Variants in SENP2 observed in about 807,000 individuals in gnomAD.
SENP2 encodes SUMO specific peptidase 2, also known as sentrin-specific protease 2.
SENP2 carries 16 observed loss-of-function variants against 86.3 expected under a neutral mutation model. The observed-to-expected ratio is 0.19, with a 90% confidence interval of 0.13 to 0.28. The LOEUF is 0.28. SENP2 is among the 10% of genes least tolerant of loss of function. The pLI, the probability that SENP2 is intolerant of heterozygous loss-of-function variation, is 1.00. For synonymous variants in SENP2, 222 were observed against 238.7 expected (o/e 0.93, Z 0.64); for missense variants, 552 against 703.0 (o/e 0.79, Z 2.43).
At chr3:185,617,336 T>C (rs1194111253) in intron 11 of SENP2, 144 bp from the exon 12 acceptor site, 7 of 517,260 alleles carry the variant, frequency 1.4e-5, no homozygotes, top group Non-Finnish European at 2.0e-5. Flanking sequence ...TTTCCTACTG[T>C]AGTTTAGTAG....
intron 5 of SENP2, among the ~76,000 whole-genome samples, chr3:185,605,871 CT>C (rs1449414787): frequency 6.6e-6 from 1 of 152,112 alleles, no homozygotes; most frequent in East Asian, 1.9e-4. Context: ...TATTGAGGGC[CT>C]TTTGGCTTAG....
At position 185,620,412 on chromosome 3, in the gene SENP2, C is replaced by T. The variant is rs566201642; in HGVS notation, c.1446+910C>T. Among the ~76,000 whole-genome samples, 201 of 151,590 alleles carry T rather than the reference C, an allele frequency of 1.3e-3. 1 individual carries two copies. The highest frequency in any genetic ancestry group is 4.8e-3 in the African/African-American group (199 of 41,360). ...GAACAACTTTTAGAAGGCTACAGGA[C>T]GAAGTCCTTGTACTTGAGGAGCTTT... On this transcript the variant is annotated intron_variant, in intron 13 of 16. Transcript: ENST00000296257.
intron 6 of SENP2, among the ~76,000 whole-genome samples, chr3:185,608,324 G>C (rs1722582107): frequency 6.6e-6 from 1 of 152,192 alleles, no homozygotes; most frequent in South Asian, 2.1e-4. Context: ...ATATGCAGAA[G>C]ATATACTCTA....
chr3:185,621,891 C>A lies in SENP2; in HGVS notation c.1512C>A (p.Ile504=), dbSNP rs1394216094. The change falls in exon 14 of 17, where the codon ATC becomes ATA. Residue 504 remains isoleucine (I), a synonymous_variant. Coordinates refer to ENST00000296257, the MANE Select transcript of SENP2 (RefSeq NM_021627.3). The part of the protein sequence containing the change: ...LDSMGQKGHR[I]CEILLQYLQD... ...CTATGGGACAAAAGGGCCACAGGAT[C>A]TGTGAGATTCTCCTGTAAGTAAAGG... The A allele has an allele frequency of 6.2e-7, 1 of 1,610,230 alleles. No homozygotes were observed. Among genetic ancestry groups the A allele is most frequent in the Non-Finnish European group, 8.5e-7 (1 of 1,177,274 alleles).
chr3:185,611,968 C>A (rs13091418), intron 8 of SENP2, among the ~76,000 whole-genome samples: 3 of 151,818 alleles, frequency 2.0e-5, no homozygotes, highest in East Asian at 3.9e-4. Flanking sequence ...ACCAGCCTGG[C>A]GAACATGGTA....
At chr3:185,589,267 G>A (rs1333445020) in intron 1 of SENP2, among the ~76,000 whole-genome samples, 1 of 152,006 alleles carries the variant, frequency 6.6e-6, no homozygotes, top group East Asian at 1.9e-4. Flanking sequence ...ATTAAGATTT[G>A]TCTTTTTTAA....
At chr3:185,594,023 C>T (rs539882127) in intron 2 of SENP2, among the ~76,000 whole-genome samples, 60 of 151,904 alleles carry the variant, frequency 3.9e-4, no homozygotes, top group African/African-American at 1.4e-3. Flanking sequence ...CCACCTCACC[C>T]GGCTGTGTTT....
intron 5 of SENP2, among the ~76,000 whole-genome samples, chr3:185,605,326 G>A (rs1055852951): frequency 6.6e-6 from 1 of 151,540 alleles, no homozygotes; most frequent in Non-Finnish European, 1.5e-5. Context: ...AGCCGAGATC[G>A]TGCCATTGCA....
intron 8 of SENP2, 50 bp from the exon 9 acceptor site, chr3:185,612,554 ATAT>A: frequency 7.9e-7 from 1 of 1,267,494 alleles, no homozygotes; most frequent in Non-Finnish European, 1.1e-6. Context: ...AATTCTAACT[ATAT>A]TATTCATCGA....
At chr3:185,621,694 T>C (rs905816656) in intron 13 of SENP2, 132 bp from the exon 14 acceptor site, 22 of 535,002 alleles carry the variant, frequency 4.1e-5, no homozygotes, top group African/African-American at 4.1e-4. Flanking sequence ...GGCCCATAAA[T>C]GGATTTCTAA....
Position 185,614,650 on chromosome 3 carries a change from G to C in SENP2, c.1020G>C (p.Arg340Ser). The change falls in exon 11 of 17, where the codon AGG becomes AGC. Residue 340 changes from arginine (R) to serine (S), a missense_variant. By Grantham distance (110) the Arg-to-Ser change is moderately radical. Coordinates refer to ENST00000296257, the MANE Select transcript of SENP2 (RefSeq NM_021627.3). ...GCAGTGGAAGCAATGGCTTACTCAG[G>C]AGGAAAGTGTCAATAATTGAGACAA... ...RLGSGSNGLL[R>S]RKVSIIETKE... 1 of 1,614,236 alleles carries C rather than the reference G, an allele frequency of 6.2e-7. No homozygotes were observed. The highest frequency in any genetic ancestry group is 1.1e-5 in the South Asian group (1 of 91,088).
At position 185,612,378 on chromosome 3, in the gene SENP2, T is replaced by A. The variant is rs1303694435; in HGVS notation, c.818-229T>A. 13 of 426,888 alleles carry A rather than the reference T, an allele frequency of 3.0e-5. No individual in the cohort carries two copies. The East Asian group carries it at 4.0e-4, about 13-fold the overall frequency. The allele number at this position is 426,888 out of a possible 1,614,324, so 26.4% of individuals were successfully genotyped here. A position where few individuals can be genotyped will look rare whatever the true frequency, so the allele number is the denominator to read the frequency against. On this transcript the variant is annotated intron_variant, in intron 8 of 16. Transcript: ENST00000296257. ...GTCCACTAAATGACAGCTTACCAGA[T>A]AAGCAGATATCACTCAGTTTATAGT...
intron 11 of SENP2, among the ~76,000 whole-genome samples, chr3:185,616,155 C>T (rs1422898761): frequency 1.4e-5 from 2 of 147,712 alleles, no homozygotes; most frequent in Admixed American, 6.8e-5. Context: ...GCCACCACAC[C>T]CAGCCTTTTT....
intron 5 of SENP2, among the ~76,000 whole-genome samples, chr3:185,602,823 A>T: frequency 9.3e-6 from 1 of 107,928 alleles, no homozygotes. Context: ...ACAGAGTGAG[A>T]CTCTGTCTTA....
At chr3:185,609,572 T>G (rs1201864846) in intron 7 of SENP2, among the ~76,000 whole-genome samples, 1 of 152,110 alleles carries the variant, frequency 6.6e-6, no homozygotes, top group Non-Finnish European at 1.5e-5. Context: ...CAAGTAAACT[T>G]TTACTTGAAA....
At chr3:185,617,336 T>G in intron 11 of SENP2, 144 bp from the exon 12 acceptor site, 1 of 517,378 alleles carries the variant, frequency 1.9e-6, no homozygotes, top group Non-Finnish European at 3.3e-6. Flanking sequence ...TTTCCTACTG[T>G]AGTTTAGTAG....
intron 3 of SENP2, 71 bp from the exon 4 acceptor site, chr3:185,598,887 C>G: frequency 1.6e-6 from 2 of 1,231,544 alleles, no homozygotes; most frequent in Admixed American, 4.0e-5. Context: ...AAAAAGTTAT[C>G]TTTTCATAAT....
At chr3:185,608,140 A>G (rs973943680) in intron 6 of SENP2, among the ~76,000 whole-genome samples, 7 of 152,276 alleles carry the variant, frequency 4.6e-5, no homozygotes, top group African/African-American at 1.7e-4. Context: ...ATTCAAGATT[A>G]AATGAAATGT....
At chr3:185,589,422 T>C (rs1274791539) in intron 1 of SENP2, among the ~76,000 whole-genome samples, 2 of 152,094 alleles carry the variant, frequency 1.3e-5, no homozygotes, top group African/African-American at 4.8e-5. Context: ...CAAAAGGAAA[T>C]TGCTTGTTTG....
Sources: allele counts gnomAD v4.1 joint callset (sites outside exome capture counted in the v4.1 genomes callset), GRCh38; gene constraint gnomAD v4.1.1; transcripts MANE v1.5; gene names NCBI Gene and HGNC (gene_info 2026-07-23, HGNC 2026-07-21).